SERPINB11: variants seen among roughly 807,000 people sequenced by gnomAD.
SERPINB11 encodes the protein serpin B11.
SERPINB11 carries 32 observed loss-of-function variants against 36.7 expected under a neutral mutation model. The observed-to-expected ratio is 0.87, with a 90% CI of 0.66 to 1.17. The LOEUF is 1.17. Among genes scored for constraint, SERPINB11 ranks in the 50% most tolerant of loss-of-function variants. The pLI, the probability that SERPINB11 is intolerant of heterozygous loss-of-function variation, is 0.00. For synonymous variants in SERPINB11, 174 were observed against 168.1 expected, an observed-to-expected ratio of 1.04 and a Z score of -0.27; for missense variants, 528 against 458.4, an observed-to-expected ratio of 1.15 and a Z score of -1.39.
At chr18:63,720,782 A>G (rs1356586841) in intron 6 of SERPINB11, 49 bp from the exon 7 acceptor site, 2 of 1,352,768 alleles carry the variant, frequency 1.5e-6, no homozygotes, top group East Asian at 2.5e-5. Flanking sequence ...GTACACACAC[A>G]TGTGCACTCA....
intron 4 of SERPINB11, among the ~76,000 whole-genome samples, chr18:63,712,911 C>A (rs1914566860): frequency 1.3e-5 from 2 of 152,166 alleles, no homozygotes; most frequent in Admixed American, 1.3e-4. Flanking sequence ...CTAATGCTGT[C>A]TAAGAACCAA....
intron 5 of SERPINB11, among the ~76,000 whole-genome samples, chr18:63,716,513 A>G (rs1237988975): frequency 1.3e-5 from 2 of 152,164 alleles, no homozygotes; most frequent in Non-Finnish European, 2.9e-5. Context: ...AAAGGTAAAG[A>G]GAATATATAA....
At chr18:63,722,221 C>A (rs58129322) in intron 7 of SERPINB11, among the ~76,000 whole-genome samples, 1 of 151,934 alleles carries the variant, frequency 6.6e-6, no homozygotes, top group South Asian at 2.1e-4. Flanking sequence ...ACCACCTTTG[C>A]TTTTTGGTGG....
At chr18:63,721,480 A>G (rs192922550) in intron 7 of SERPINB11, among the ~76,000 whole-genome samples, 1 of 152,272 alleles carries the variant, frequency 6.6e-6, no homozygotes, top group East Asian at 1.9e-4. Context: ...TTTGGATCCA[A>G]CCCCCTTTCC....
intron 5 of SERPINB11, among the ~76,000 whole-genome samples, chr18:63,718,786 T>C (rs1406188472): frequency 6.6e-6 from 1 of 152,082 alleles, no homozygotes; most frequent in Non-Finnish European, 1.5e-5. Context: ...AGTTTAGTAA[T>C]AGGTGACCAG....
In SERPINB11 at chr18:63,716,349, C is replaced by T. The variant is rs184484938; in HGVS notation, c.475+197C>T. 3.3e-5 allele frequency among the ~76,000 whole-genome samples: 5 copies of T among 152,254 alleles called. No homozygotes were observed. The East Asian group carries it at 9.6e-4, about 29-fold the overall frequency. Reference sequence around the variant, plus strand: ...TATACAAAGTGACTCTGCGAATGAACACCATTTCTGTTTCATAAATGTGTG... The same window carrying T: ...TATACAAAGTGACTCTGCGAATGAATACCATTTCTGTTTCATAAATGTGTG... On this transcript the variant is annotated intron_variant, in intron 5 of 7. Coordinates refer to ENST00000544088, the MANE Select transcript of SERPINB11 (RefSeq NM_001370475.1).
intron 7 of SERPINB11, 62 bp downstream of exon 7, chr18:63,721,048 A>G: frequency 1.5e-6 from 2 of 1,354,692 alleles, no homozygotes; most frequent in Non-Finnish European, 2.1e-6. Flanking sequence ...ACACACACAC[A>G]CAGACACACT....
chr18:63,709,427 C>A (rs991375735), intron 1 of SERPINB11, among the ~76,000 whole-genome samples: 1 of 151,892 alleles, frequency 6.6e-6, no homozygotes, highest in Non-Finnish European at 1.5e-5. Context: ...CTGGCTAACA[C>A]GGTGAAACCC....
At chr18:63,706,389 G>T (rs1338776782) in intron 1 of SERPINB11, among the ~76,000 whole-genome samples, 1 of 152,178 alleles carries the variant, frequency 6.6e-6, no homozygotes, top group Non-Finnish European at 1.5e-5. Context: ...GCTCAGCTCA[G>T]ATACGTACTG....
chr18:63,718,835 A>C (rs1342557236), intron 5 of SERPINB11, among the ~76,000 whole-genome samples: 1 of 148,014 alleles, frequency 6.8e-6, no homozygotes, highest in East Asian at 2.0e-4. Flanking sequence ...GTATTAAGTC[A>C]GAAAATGCTT....
intron 3 of SERPINB11, among the ~76,000 whole-genome samples, chr18:63,712,175 A>T (rs1800466013): frequency 6.6e-6 from 1 of 152,182 alleles, no homozygotes; most frequent in Non-Finnish European, 1.5e-5. Flanking sequence ...GACCACATGA[A>T]AAATGGAGAT....
At chr18:63,720,672 C>T in intron 6 of SERPINB11, 159 bp from the exon 7 acceptor site, 1 of 565,146 alleles carries the variant, frequency 1.8e-6, no homozygotes, top group Non-Finnish European at 3.1e-6. Context: ...AAATGGATAA[C>T]CTTTGCAAAG....
intron 1 of SERPINB11, among the ~76,000 whole-genome samples, chr18:63,703,253 G>A (rs1422957637): frequency 6.6e-6 from 1 of 152,172 alleles, no homozygotes; most frequent in African/African-American, 2.4e-5. Flanking sequence ...TCTTTGTTTA[G>A]TAAAATGGAA....
chr18:63,719,110 C>G (rs943403126), intron 5 of SERPINB11, among the ~76,000 whole-genome samples: 2 of 151,996 alleles, frequency 1.3e-5, no homozygotes, highest in African/African-American at 4.8e-5. Context: ...CAGTGCCCAG[C>G]ATTTAGAAAA....
In SERPINB11 at chr18:63,711,328, T is replaced by C. The variant is rs1342308683; in HGVS notation, c.169-7T>C. ...ATGCCAAAAGATCCCTTTTTTTTCTTTTCTAGGTGCTTCATTTTAGTCATA... is the reference window on the plus strand; with the variant it reads ...ATGCCAAAAGATCCCTTTTTTTTCTCTTCTAGGTGCTTCATTTTAGTCATA... On this transcript the variant is annotated splice_region_variant and splice_polypyrimidine_tract_variant and intron_variant, in intron 2 of 7. Transcript: ENST00000544088. 5.0e-6 allele frequency: 8 copies of C among 1,605,406 alleles called. No homozygotes were observed. The highest frequency in any genetic ancestry group is 6.8e-6 in the Non-Finnish European group (8 of 1,173,414).
At chr18:63,706,627 G>A (rs1914378930) in intron 1 of SERPINB11, among the ~76,000 whole-genome samples, 1 of 152,226 alleles carries the variant, frequency 6.6e-6, no homozygotes, top group Non-Finnish European at 1.5e-5. Context: ...TGTGGAGTAA[G>A]TGGGCTAACT....
chr18:63,723,503 C>T lies in SERPINB11; in HGVS notation c.*104C>T, dbSNP rs1598971200. ...TGTTCACACCTCACACACCTCTGTG[C>T]CTCAGTTTGCTCATCTGCAAAATAG... On this transcript the variant is annotated 3_prime_UTR_variant, in exon 8 of 8. Transcript: ENST00000544088. 14 of 1,077,158 alleles carry T rather than the reference C, an allele frequency of 1.3e-5. No individual in the cohort carries two copies. In the East Asian group the frequency reaches 3.2e-4, roughly 24 times the overall value. The allele number at this position is 1,077,158 out of a possible 1,614,324, so 66.7% of individuals were successfully genotyped here. A position where few individuals can be genotyped will look rare whatever the true frequency, so the allele number is the denominator to read the frequency against.
intron 4 of SERPINB11, 85 bp from the exon 5 acceptor site, chr18:63,715,950 A>G (rs1914655524): frequency 1.3e-6 from 1 of 759,108 alleles, no homozygotes; most frequent in African/African-American, 1.8e-5. Flanking sequence ...TCTCTGCATT[A>G]GAATTTTAGA....
chr18:63,722,571 T>C (rs7240187), intron 7 of SERPINB11, among the ~76,000 whole-genome samples: 131,163 of 152,134 alleles, frequency 0.86, 57,150 homozygotes, highest in East Asian at 0.98. Flanking sequence ...TCAGAGTGCA[T>C]GGGGATCCTG....
Sources: allele counts gnomAD v4.1 joint callset (sites outside exome capture counted in the v4.1 genomes callset), GRCh38; gene constraint gnomAD v4.1.1; transcripts MANE v1.5; gene names NCBI Gene and HGNC (gene_info 2026-07-23, HGNC 2026-07-21).